Variants in RPTOR observed in about 807,000 individuals in gnomAD.
The protein encoded by RPTOR is regulatory associated protein of MTOR complex 1, also known as regulatory-associated protein of mTOR.
Under a neutral mutation model 169.9 loss-of-function variants are expected in RPTOR, and 21 were observed. The ratio of observed to expected loss-of-function variants is 0.12; its 90% CI spans 0.09 to 0.18. RPTOR has a LOEUF of 0.18. RPTOR is among the 10% of genes least tolerant of loss of function. The pLI, the probability that RPTOR is intolerant of heterozygous loss-of-function variation, is 1.00. For synonymous variants in RPTOR, 732 were observed against 753.2 expected (o/e 0.97, Z 0.46); for missense variants, 1,133 against 1,855.9 (o/e 0.61, Z 7.16).
intron 13 of RPTOR, among the ~76,000 whole-genome samples, chr17:80,869,481 AAC>A (rs1401351064): frequency 5.9e-5 from 9 of 152,328 alleles, no homozygotes; most frequent in African/African-American, 2.2e-4. Context: ...TAATTCAAGA[AAC>A]ACCCCCAAAA....
intron 25 of RPTOR, among the ~76,000 whole-genome samples, chr17:80,943,846 C>G (rs1035190222): frequency 4.3e-5 from 5 of 115,834 alleles, no homozygotes; most frequent in Non-Finnish European, 7.3e-5. Context: ...CAGGCGGTGT[C>G]TCTCTGCACC....
chr17:80,575,170 A>C (rs142995597), intron 1 of RPTOR, among the ~76,000 whole-genome samples: 1 of 150,996 alleles, frequency 6.6e-6, no homozygotes, highest in East Asian at 2.0e-4. Context: ...AGTTTTTAAA[A>C]ATATATTTAT....
intron 6 of RPTOR, among the ~76,000 whole-genome samples, chr17:80,788,015 T>C (rs1362340796): frequency 6.6e-6 from 1 of 152,236 alleles, no homozygotes; most frequent in Non-Finnish European, 1.5e-5. Context: ...TTCTCCCCTC[T>C]AACTTTAGCT....
At chr17:80,744,253 T>C (rs369579733) in intron 5 of RPTOR, among the ~76,000 whole-genome samples, 6 of 41,990 alleles carry the variant, frequency 1.4e-4, no homozygotes, top group East Asian at 1.2e-3. Flanking sequence ...ACTAGCACTG[T>C]CCTGGCTACT....
intron 3 of RPTOR, among the ~76,000 whole-genome samples, chr17:80,700,707 T>TGGTGATGATGGTGATGGTAGA (rs1598236124): frequency 7.3e-4 from 33 of 45,186 alleles, no homozygotes; most frequent in South Asian, 1.5e-3. Context: ...ATGGTGGTGG[T>TGGTGATGATGGTGATGGTAGA]GATGGTGGTG....
intron 18 of RPTOR, among the ~76,000 whole-genome samples, chr17:80,892,307 G>A (rs2068335674): frequency 6.6e-6 from 1 of 152,154 alleles, no homozygotes; most frequent in Admixed American, 6.5e-5. Flanking sequence ...CTGCCGTGCA[G>A]GGGCTTGTCA....
rs1298590744 is a variant in RPTOR, at chr17:80,893,876, C to T, written c.2401+11C>T. 5 of 1,512,060 alleles carry T rather than the reference C, an allele frequency of 3.3e-6. No individual in the cohort carries two copies. The highest frequency in any genetic ancestry group is 8.9e-7 in the Non-Finnish European group (1 of 1,129,138). The allele number at this position is 1,512,060 out of a possible 1,614,324, so 93.7% of individuals were successfully genotyped here. ...TCAACTCCCTCATCGGTGAGTCCGC[C>T]TGCCCCTTTCTGCTTCCGAGGGGCC... On this transcript the variant is annotated intron_variant, in intron 20 of 33. Transcript: ENST00000306801.
At chr17:80,741,679 C>A (rs955198926) in intron 5 of RPTOR, among the ~76,000 whole-genome samples, 1 of 152,158 alleles carries the variant, frequency 6.6e-6, no homozygotes, top group Non-Finnish European at 1.5e-5. Context: ...TACAGCAGCA[C>A]GCAAGTGGAC....
Position 80,544,840 on chromosome 17 carries a change from C to T in RPTOR, c.-790C>T. Reference sequence around the variant, plus strand: ...CCGTAGGCCGCGGTGCATTCTGGGTCCTGGCAATATGGCGTCCTCCTTGAT... The same window carrying T: ...CCGTAGGCCGCGGTGCATTCTGGGTTCTGGCAATATGGCGTCCTCCTTGAT... On this transcript the variant is annotated 5_prime_UTR_variant, in exon 1 of 34. Coordinates refer to ENST00000306801, the MANE Select transcript of RPTOR (RefSeq NM_020761.3). The T allele has an allele frequency of 4.7e-6, 1 of 214,468 alleles. No homozygotes were observed. Among genetic ancestry groups the T allele is most frequent in the Non-Finnish European group, 9.4e-6 (1 of 105,992 alleles). The allele number at this position is 214,468 out of a possible 1,614,324, so 13.3% of individuals were successfully genotyped here. A position where few individuals can be genotyped will look rare whatever the true frequency, so the allele number is the denominator to read the frequency against.
intron 2 of RPTOR, among the ~76,000 whole-genome samples, chr17:80,626,372 T>C (rs1463692207): frequency 7.2e-6 from 1 of 138,110 alleles, no homozygotes; most frequent in Non-Finnish European, 1.6e-5. Context: ...TTTTCTACTT[T>C]ATATTTGTTC....
intron 1 of RPTOR, among the ~76,000 whole-genome samples, chr17:80,572,395 T>C (rs1568311663): frequency 7.0e-6 from 1 of 141,878 alleles, no homozygotes; most frequent in Non-Finnish European, 1.6e-5. Flanking sequence ...AAGATAATTA[T>C]ATATTTTCTT....
At chr17:80,940,663 C>T (rs1465650027) in intron 25 of RPTOR, 62 bp downstream of exon 25, 29 of 1,394,842 alleles carry the variant, frequency 2.1e-5, no homozygotes, top group Non-Finnish European at 2.6e-5. Flanking sequence ...GGGCGAGGGT[C>T]CCCTGTGAGC....
intron 1 of RPTOR, among the ~76,000 whole-genome samples, chr17:80,610,440 G>A (rs1403716457): frequency 1.3e-5 from 2 of 152,300 alleles, no homozygotes; most frequent in South Asian, 2.1e-4. Context: ...AGGGAGTTGA[G>A]ATGACGGGGC....
chr17:80,880,601 G>C (rs1348779582), intron 14 of RPTOR, 112 bp downstream of exon 14: 2 of 972,394 alleles, frequency 2.1e-6, no homozygotes, highest in Admixed American at 4.0e-5. Flanking sequence ...AAAGGTCAAG[G>C]GTCACAGCAG....
At chr17:80,838,547 T>G (rs2067591386) in intron 10 of RPTOR, among the ~76,000 whole-genome samples, 2 of 152,190 alleles carry the variant, frequency 1.3e-5, no homozygotes, top group Admixed American at 1.3e-4. Context: ...TTAATGAGCT[T>G]TTGCCTTACG....
At chr17:80,786,125 G>A (rs930408361) in intron 6 of RPTOR, among the ~76,000 whole-genome samples, 10 of 152,198 alleles carry the variant, frequency 6.6e-5, no homozygotes, top group African/African-American at 2.4e-4. Flanking sequence ...TGCACAGTGG[G>A]GTGGGAGAGT....
At chr17:80,893,297 GGGTGTGTGTGTGCGCCA>G (rs1162203887) in intron 19 of RPTOR, among the ~76,000 whole-genome samples, 2 of 146,900 alleles carry the variant, frequency 1.4e-5, no homozygotes, top group Non-Finnish European at 3.0e-5. Flanking sequence ...TGTGTGCGCC[GGGTGTGTGTGTGCGCCA>G]GGTGTGTGCG....
intron 21 of RPTOR, among the ~76,000 whole-genome samples, chr17:80,919,823 C>A (rs1348476610): frequency 6.6e-6 from 1 of 152,264 alleles, no homozygotes; most frequent in Non-Finnish European, 1.5e-5. Context: ...GGGACCTTGA[C>A]CCTCTTACAG....
At chr17:80,833,012 C>A (rs963432981) in intron 9 of RPTOR, among the ~76,000 whole-genome samples, 1 of 152,192 alleles carries the variant, frequency 6.6e-6, no homozygotes, top group Non-Finnish European at 1.5e-5. Flanking sequence ...ATGTTTGATG[C>A]AAAGTCACCG....
Sources: gnomAD v4.1 joint callset for allele counts (sites outside exome capture counted in the v4.1 genomes callset) on GRCh38, gnomAD v4.1.1 for gene constraint, MANE v1.5 for transcripts, NCBI Gene and HGNC (gene_info 2026-07-23, HGNC 2026-07-21) for gene names.